The following CIMIP6 variants were observed in gnomAD, a reference collection of about 807,000 sequenced individuals.
CIMIP6 encodes ciliary microtubule inner protein 6.
At chr2:54,378,803 G>C in the CIMIP6 span, among the ~76,000 whole-genome samples, 1 of 152,250 alleles carries the variant, frequency 6.6e-6, no homozygotes, top group East Asian at 1.9e-4. Flanking sequence ...GCTCAAATAA[G>C]CCTCTTTGGA....
chr2:54,346,711 T>C, the CIMIP6 span, among the ~76,000 whole-genome samples: 1 of 152,188 alleles, frequency 6.6e-6, no homozygotes. Context: ...AGACCCCAAA[T>C]CTATTCCTTT....
At chr2:54,334,706 C>A in the CIMIP6 span, 1 of 770,126 alleles carries the variant, frequency 1.3e-6, no homozygotes, top group South Asian at 1.9e-5. Context: ...TTAATACAGC[C>A]TAAATTGTCT....
the CIMIP6 span, among the ~76,000 whole-genome samples, chr2:54,377,042 C>G: frequency 1.3e-5 from 2 of 152,156 alleles, no homozygotes; most frequent in Non-Finnish European, 2.9e-5. Flanking sequence ...TCGGTTCTCT[C>G]GGCCAAGTCT....
the CIMIP6 span, chr2:54,361,663 CT>C: frequency 6.6e-6 from 1 of 152,160 alleles, no homozygotes; most frequent in Non-Finnish European, 1.5e-5. Context: ...TCTTGGAGAT[CT>C]TTCCTTGTCA....
chr2:54,367,130 A>T, the CIMIP6 span, among the ~76,000 whole-genome samples: 4 of 152,268 alleles, frequency 2.6e-5, no homozygotes, highest in African/African-American at 9.6e-5. Context: ...AGTTACTCAC[A>T]GATCTTCACT....
At chr2:54,372,270 C>T in the CIMIP6 span, among the ~76,000 whole-genome samples, 18 of 152,302 alleles carry the variant, frequency 1.2e-4, no homozygotes, top group Middle Eastern at 3.4e-3. Flanking sequence ...GATATTATGA[C>T]GCAGGAAATG....
chr2:54,348,686 A>T, the CIMIP6 span, among the ~76,000 whole-genome samples: 1 of 152,214 alleles, frequency 6.6e-6, no homozygotes, highest in Non-Finnish European at 1.5e-5. Context: ...TATGTATATA[A>T]ACTAGTCTAT....
chr2:54,354,576 AG>A, the CIMIP6 span, among the ~76,000 whole-genome samples: 1 of 152,044 alleles, frequency 6.6e-6, no homozygotes, highest in South Asian at 2.1e-4. Flanking sequence ...CATACTATAT[AG>A]TTTCTGTTTC....
the CIMIP6 span, chr2:54,361,613 G>A: frequency 6.6e-6 from 1 of 151,932 alleles, no homozygotes; most frequent in Non-Finnish European, 1.5e-5. Flanking sequence ...TTTGTGTTGG[G>A]GACTTCTAGT....
At chr2:54,344,326 C>T in the CIMIP6 span, among the ~76,000 whole-genome samples, 1 of 152,108 alleles carries the variant, frequency 6.6e-6, no homozygotes, top group Non-Finnish European at 1.5e-5. Context: ...CCTTCCAAGA[C>T]CCTATTACTA....
At chr2:54,360,572 T>C in the CIMIP6 span, 7 of 1,468,324 alleles carry the variant, frequency 4.8e-6, no homozygotes, top group Non-Finnish European at 6.3e-6. Flanking sequence ...AATTACCTTC[T>C]TCAGATAAAA....
chr2:54,373,692 A>G, the CIMIP6 span, among the ~76,000 whole-genome samples: 2 of 152,132 alleles, frequency 1.3e-5, no homozygotes, highest in African/African-American at 4.8e-5. Flanking sequence ...TTCAATAAAG[A>G]CACAACTCCT....
chr2:54,359,349 A>C, the CIMIP6 span, among the ~76,000 whole-genome samples: 15 of 152,078 alleles, frequency 9.9e-5, no homozygotes, highest in African/African-American at 3.4e-4. Flanking sequence ...TAATTGCACC[A>C]CTGCATTCCA....
chr2:54,333,231 TA>T, the CIMIP6 span, among the ~76,000 whole-genome samples: 4 of 152,134 alleles, frequency 2.6e-5, no homozygotes, highest in Non-Finnish European at 2.9e-5. Context: ...ACTAGGTACA[TA>T]AAAAATTGTG....
At chr2:54,332,573 A>G in the CIMIP6 span, among the ~76,000 whole-genome samples, 3 of 152,242 alleles carry the variant, frequency 2.0e-5, no homozygotes, top group African/African-American at 7.2e-5. Context: ...GACTCACTTC[A>G]GAGCCCATCA....
At chr2:54,379,379 T>C in the CIMIP6 span, among the ~76,000 whole-genome samples, 4,658 of 152,316 alleles carry the variant, frequency 0.031, 248 homozygotes, top group African/African-American at 0.11. Context: ...TGTTTCATAA[T>C]GTGTGGTTAT....
At chr2:54,335,109 A>T in the CIMIP6 span, 1 of 1,021,284 alleles carries the variant, frequency 9.8e-7, no homozygotes, top group Non-Finnish European at 1.4e-6. Flanking sequence ...ACTATAAAGG[A>T]TGAGACACAT....
the CIMIP6 span, among the ~76,000 whole-genome samples, chr2:54,337,387 T>C: frequency 1.1e-4 from 17 of 152,308 alleles, no homozygotes; most frequent in Middle Eastern, 0.014. Flanking sequence ...TATGCTCTCG[T>C]ACCAATTATT....
the CIMIP6 span, among the ~76,000 whole-genome samples, chr2:54,362,636 C>T: frequency 9.4e-4 from 143 of 152,316 alleles, 1 homozygote; most frequent in African/African-American, 3.4e-3. Context: ...CAATCTCCAC[C>T]TCCCAGGTTC....
Sources: allele counts gnomAD v4.1 joint callset (sites outside exome capture counted in the v4.1 genomes callset), GRCh38; gene constraint gnomAD v4.1.1; transcripts MANE v1.5; gene names NCBI Gene and HGNC (gene_info 2026-07-23, HGNC 2026-07-21).